NBAS: variants seen among roughly 807,000 people sequenced by gnomAD.
NBAS encodes NAG/BC035112 fusion.
In NBAS, 219 loss-of-function variants were observed where a neutral mutation model predicts 302.5. That is an observed-to-expected ratio of 0.72 (90% CI 0.65 to 0.81). The LOEUF (loss-of-function observed/expected upper bound fraction) is 0.81, where lower values mean the gene tolerates loss of function less well. Ranked by LOEUF, NBAS falls within the 30% of genes least tolerant of loss-of-function variation. The pLI, the probability that NBAS is intolerant of heterozygous loss-of-function variation, is 0.00. For synonymous variants in NBAS, 1,118 were observed against 1,021.6 expected (o/e 1.09, Z -1.80); for missense variants, 2,932 against 2,841.6 (o/e 1.03, Z -0.72).
intron 21 of NBAS, among the ~76,000 whole-genome samples, chr2:15,443,206 G>C (rs1416920312): frequency 2.6e-5 from 4 of 151,766 alleles, no homozygotes; most frequent in African/African-American, 7.3e-5. Context: ...ACAAAAAAAA[G>C]AATTTTAGAC....
At chr2:15,454,736 T>A (rs1572877138) in intron 21 of NBAS, among the ~76,000 whole-genome samples, 1 of 152,206 alleles carries the variant, frequency 6.6e-6, no homozygotes, top group East Asian at 1.9e-4. Flanking sequence ...TAACTCTCCA[T>A]CAAATTTCTG....
rs986119137 is a variant in NBAS, at chr2:15,397,630, C to T, written c.3072-1155G>A. ...CAAAGACGCTCGCTTCAGAAATGTT[C>T]CTGACTGCTGTGGCCTCCACTATGT... On this transcript the variant is annotated intron_variant, in intron 26 of 51. Coordinates refer to ENST00000281513, the MANE Select transcript of NBAS (RefSeq NM_015909.4). The T allele has an allele frequency of 2.9e-5, 17 of 584,962 alleles. No individual in the cohort carries two copies. The African/African-American group carries it at 3.2e-4, about 11-fold the overall frequency. The allele number at this position is 584,962 out of a possible 1,614,324, so 36.2% of individuals were successfully genotyped here. A position where few individuals can be genotyped will look rare whatever the true frequency, so the allele number is the denominator to read the frequency against.
At chr2:15,134,056 TTCTCTCTCTCTCTCTC>T in the NBAS span, among the ~76,000 whole-genome samples, 1 of 145,666 alleles carries the variant, frequency 6.9e-6, no homozygotes, top group Non-Finnish European at 1.5e-5. Flanking sequence ...GAACATTTCT[TTCTCTCTCTCTCTCTC>T]TCTCTCTCTC....
intron 48 of NBAS, among the ~76,000 whole-genome samples, chr2:15,213,856 T>C (rs899674388): frequency 6.6e-6 from 1 of 152,206 alleles, no homozygotes; most frequent in Non-Finnish European, 1.5e-5. Flanking sequence ...AAAACGGATG[T>C]TCTGTCAACT....
chr2:15,467,724 T>C lies in NBAS; in HGVS notation c.1958A>G (p.Asn653Ser), dbSNP rs1436312683. 1 of 1,610,280 alleles carries C rather than the reference T, an allele frequency of 6.2e-7. No individual in the cohort carries two copies. Among genetic ancestry groups the C allele is most frequent in the Admixed American group, 1.7e-5 (1 of 59,928 alleles). Residue 653 changes from asparagine (N) to serine (S), a missense_variant, in exon 18 of 52, where the codon AAT becomes AGT. Transcript: ENST00000281513. The part of the protein sequence containing the change: ...LSPPDEEPAK[N>S]KKEKELKKRQ... ...CTTCTTGAGCTCCTTTTCCTTTTTA[T>C]TCTTGGCAGGCTCTTCATCAGGTGG...
intron 44 of NBAS, among the ~76,000 whole-genome samples, chr2:15,247,949 G>A (rs548048131): frequency 2.8e-4 from 43 of 151,988 alleles, no homozygotes; most frequent in African/African-American, 8.9e-4. Context: ...TGGACCAAGC[G>A]GACCTAATAG....
At chr2:15,381,270 G>A (rs1675021504) in intron 29 of NBAS, among the ~76,000 whole-genome samples, 2 of 78,160 alleles carry the variant, frequency 2.6e-5, no homozygotes, top group African/African-American at 8.7e-5. Context: ...TTATGCCACT[G>A]AACTTATTTT....
At chr2:15,233,660 T>C (rs898537692) in intron 46 of NBAS, among the ~76,000 whole-genome samples, 7 of 152,168 alleles carry the variant, frequency 4.6e-5, no homozygotes, top group Non-Finnish European at 8.8e-5. Flanking sequence ...TTTATTAATT[T>C]GAAATTTGTT....
chr2:15,050,416 T>G, the NBAS span, among the ~76,000 whole-genome samples: 1 of 152,192 alleles, frequency 6.6e-6, no homozygotes, highest in South Asian at 2.1e-4. Context: ...TAGAAGGGAA[T>G]GGAGTGCCTA....
intron 48 of NBAS, among the ~76,000 whole-genome samples, chr2:15,216,135 G>A (rs1055899803): frequency 6.6e-6 from 1 of 152,152 alleles, no homozygotes; most frequent in Non-Finnish European, 1.5e-5. Flanking sequence ...TCTAAAGGAG[G>A]AGGGGGACAC....
intron 48 of NBAS, among the ~76,000 whole-genome samples, chr2:15,206,295 G>C (rs577170117): frequency 1.1e-4 from 17 of 152,306 alleles, no homozygotes; most frequent in African/African-American, 4.1e-4. Flanking sequence ...AAGTGTCCAA[G>C]ATGTGACCTG....
At position 15,433,334 on chromosome 2, in the gene NBAS, A is replaced by G. The variant is rs552635595; in HGVS notation, c.2340-5540T>C. On this transcript the variant is annotated intron_variant, in intron 21 of 51. Transcript: ENST00000281513. ...ATTTAGCTCATTTGGATTAGGAGAA[A>G]ATCAGATTAGTTAGTACATAAAGGC... Among the ~76,000 whole-genome samples the G allele has an allele frequency of 1.1e-4, 17 of 152,284 alleles. No individual in the cohort carries two copies. The East Asian group carries it at 3.3e-3, about 29-fold the overall frequency.
the NBAS span, among the ~76,000 whole-genome samples, chr2:14,792,757 T>C: frequency 6.6e-6 from 1 of 151,980 alleles, no homozygotes; most frequent in Admixed American, 6.6e-5. Context: ...AAATCATCCA[T>C]TATACTAAAA....
At chr2:15,389,366 A>C (rs1486926124) in intron 28 of NBAS, among the ~76,000 whole-genome samples, 1 of 152,262 alleles carries the variant, frequency 6.6e-6, no homozygotes, top group Non-Finnish European at 1.5e-5. Context: ...TCTTAGCCTC[A>C]GGGAAGCCCA....
chr2:14,915,750 T>C, the NBAS span, among the ~76,000 whole-genome samples: 8 of 152,008 alleles, frequency 5.3e-5, no homozygotes, highest in Admixed American at 5.2e-4. Context: ...TTAGTAGAGA[T>C]GGGGTTTCAC....
chr2:15,338,765 T>C (rs963930646), intron 35 of NBAS, among the ~76,000 whole-genome samples: 17 of 151,192 alleles, frequency 1.1e-4, no homozygotes, highest in African/African-American at 4.1e-4. Context: ...ATCCCAACAC[T>C]TTGGGAGGCT....
the NBAS span, among the ~76,000 whole-genome samples, chr2:14,836,828 T>C: frequency 6.6e-6 from 1 of 151,832 alleles, no homozygotes; most frequent in African/African-American, 2.4e-5. Context: ...ACATGGAGTA[T>C]TTTTCCATTT....
At chr2:15,392,758 A>AACCAAAATTT (rs1675671582) in intron 28 of NBAS, among the ~76,000 whole-genome samples, 1 of 152,050 alleles carries the variant, frequency 6.6e-6, no homozygotes. Context: ...AGAAATTGGT[A>AACCAAAATTT]AGCTTATTCT....
rs541144937 is a variant in NBAS at position 15,439,802 on chromosome 2, C to G, written c.2340-12008G>C. Among the ~76,000 whole-genome samples, 7 of 152,322 alleles carry G rather than the reference C, an allele frequency of 4.6e-5. No homozygotes were observed. In the East Asian group the frequency reaches 9.7e-4, roughly 21 times the overall value. The stretch of plus-strand genomic sequence containing the variant: ...CCTGGAAAATCGGGTCACTCCCACA[C>G]GAATACTGCGCTTTTCCAACAGGCT... On this transcript the variant is annotated intron_variant, in intron 21 of 51. Transcript: ENST00000281513.
Sources: allele counts gnomAD v4.1 joint callset (sites outside exome capture counted in the v4.1 genomes callset), GRCh38; gene constraint gnomAD v4.1.1; transcripts MANE v1.5; gene names NCBI Gene and HGNC (gene_info 2026-07-23, HGNC 2026-07-21).